Variants in FANCD2 observed in about 807,000 individuals in gnomAD.
FANCD2 encodes the protein FA complementation group D2, also known as Fanconi anemia group D2 protein.
FANCD2 carries 131 observed loss-of-function variants against 192.3 expected under a neutral mutation model. The observed-to-expected ratio is 0.68, with a 90% CI of 0.59 to 0.79. The LOEUF (loss-of-function observed/expected upper bound fraction) is 0.79. FANCD2 is among the 30% of genes least tolerant of loss of function. The pLI is 0.00. For synonymous variants in FANCD2, 524 were observed against 612.5 expected (o/e 0.86, Z 2.13); for missense variants, 1,508 against 1,701.6 (o/e 0.89, Z 2.00).
rs1204019895 is a variant in FANCD2, at chr3:10,101,786, TG to T, written c.*526del. On this transcript the variant is annotated 3_prime_UTR_variant, in exon 44 of 44. Coordinates refer to ENST00000675286, the MANE Select transcript of FANCD2 (RefSeq NM_001018115.3). ...AGGATTCTAATGTAGCATTATTTAT[TG>T]GTTTGGATAAACCCAGCTGTGCTAC... 3 of 205,808 alleles carry T rather than the reference TG, an allele frequency of 1.5e-5. No individual in the cohort carries two copies. The highest frequency in any genetic ancestry group is 1.1e-4 in the Admixed American group (2 of 18,522). 12.7% of individuals were successfully genotyped at this position (205,808 alleles called of 1,614,324 possible).
chr3:10,064,479 A>G (rs2087658453), intron 22 of FANCD2, 50 bp downstream of exon 22: 4 of 1,506,650 alleles, frequency 2.7e-6, no homozygotes, highest in Non-Finnish European at 3.7e-6. Context: ...AGTTACATCA[A>G]TTCTGTCAGT....
At position 10,098,767 on chromosome 3, in the gene FANCD2, G is replaced by C. The variant is rs61753270; in HGVS notation, c.4233G>C (p.Glu1411Asp). ...SQNSQESTAD[E>D]SEDDMSSQAS... ...ATTCCCAGGAGAGCACAGCAGATGA[G>C]AGTGAGGATGACATGTCATCCCAGG... Residue 1411 changes from glutamate (E) to aspartate (D), a missense_variant, in exon 43 of 44, where the codon GAG becomes GAC. This residue lies in a region of FANCD2 where 796 missense variants were observed against 879.4 expected (regional missense o/e 0.91). Transcript: ENST00000675286. 2.4e-5 allele frequency: 39 copies of C among 1,613,946 alleles called. No individual in the cohort carries two copies. Among genetic ancestry groups the C allele is most frequent in the Middle Eastern group, 1.6e-4 (1 of 6,084 alleles).
chr3:10,054,769 C>CA (rs1053684151), intron 18 of FANCD2, among the ~76,000 whole-genome samples: 1 of 151,422 alleles, frequency 6.6e-6, no homozygotes, highest in African/African-American at 2.4e-5. Flanking sequence ...AGGCCTGAGC[C>CA]ACCGCACCCG....
At chr3:10,071,098 C>A (rs1163362292) in intron 26 of FANCD2, among the ~76,000 whole-genome samples, 3 of 141,818 alleles carry the variant, frequency 2.1e-5, no homozygotes, top group Non-Finnish European at 4.5e-5. Flanking sequence ...AAATCCCCCT[C>A]TGCGAGAAAC....
At chr3:10,085,580 C>G (rs1031642435) in intron 32 of FANCD2, among the ~76,000 whole-genome samples, 1 of 151,802 alleles carries the variant, frequency 6.6e-6, no homozygotes, top group Non-Finnish European at 1.5e-5. Context: ...TTAGTAGAGA[C>G]GGGATTTCAC....
intron 18 of FANCD2, among the ~76,000 whole-genome samples, chr3:10,054,473 ATTTTTTT>A (rs55719769): frequency 3.6e-4 from 3 of 8,400 alleles, no homozygotes; most frequent in African/African-American, 2.1e-3. Flanking sequence ...ATATATATAT[ATTTTTTT>A]TTTTTTTTTT....
intron 20 of FANCD2, 80 bp downstream of exon 20, chr3:10,062,291 A>T: frequency 1.7e-6 from 2 of 1,154,576 alleles, no homozygotes; most frequent in Non-Finnish European, 2.5e-6. Flanking sequence ...CCCAACCTGC[A>T]GTGCAGTGGC....
intron 27 of FANCD2, 111 bp downstream of exon 27, chr3:10,073,092 C>T (rs1693345406): frequency 2.4e-6 from 2 of 850,518 alleles, no homozygotes; most frequent in South Asian, 1.4e-5. Context: ...TATAACTGAA[C>T]TCTTCCTTTA....
At chr3:10,051,431 TC>T (rs56096530) in intron 17 of FANCD2, among the ~76,000 whole-genome samples, 118,822 of 118,842 alleles carry the variant, frequency 1, 59,401 homozygotes, top group Middle Eastern at 1. Flanking sequence ...GGGATTTATC[TC>T]CCAGTGTTGG....
At chr3:10,038,005 T>C (rs1416806366) in intron 7 of FANCD2, among the ~76,000 whole-genome samples, 1 of 152,226 alleles carries the variant, frequency 6.6e-6, no homozygotes, top group African/African-American at 2.4e-5. Context: ...GGTTTACTTA[T>C]TTTGAGACGG....
Position 10,092,190 on chromosome 3 carries a change from G to C in FANCD2, c.3787G>C (p.Glu1263Gln). Residue 1263 changes from glutamate (E) to glutamine (Q), a missense_variant, in exon 38 of 44, where the codon GAG becomes CAG. Transcript: ENST00000675286. ...TAADSQQIHE[E>Q]KLLYWNMAVR... ...TATTTGGCTGCCCCAGATTCATGAAGAGAAACTCCTCTACTGGAACATGGC... is the reference window on the plus strand; with the variant it reads ...TATTTGGCTGCCCCAGATTCATGAACAGAAACTCCTCTACTGGAACATGGC... 1 of 1,613,882 alleles carries C rather than the reference G, an allele frequency of 6.2e-7. No individual in the cohort carries two copies. Among genetic ancestry groups the C allele is most frequent in the Non-Finnish European group, 8.5e-7 (1 of 1,179,744 alleles).
At chr3:10,078,306 G>A in intron 30 of FANCD2, 109 bp downstream of exon 30, 2 of 769,412 alleles carry the variant, frequency 2.6e-6, no homozygotes, top group East Asian at 5.0e-5. Flanking sequence ...GGGTCACTGG[G>A]TAGCATGGGT....
chr3:10,039,804 C>G lies in FANCD2; in HGVS notation c.654C>G (p.Ile218Met). 6.2e-7 allele frequency: 1 copy of G among 1,613,902 alleles called. No individual in the cohort carries two copies. Among genetic ancestry groups the G allele is most frequent in the Non-Finnish European group, 8.5e-7 (1 of 1,179,996 alleles). Residue 218 changes from isoleucine (I) to methionine (M), a missense_variant, in exon 9 of 44, where the codon ATC becomes ATG. Ile to Met is a conservative substitution (Grantham distance 10). Around this residue, in one of 5 missense-constraint regions of FANCD2, gnomAD observed 435 missense variants for 421.9 expected, o/e 1.03. Coordinates refer to ENST00000675286, the MANE Select transcript of FANCD2 (RefSeq NM_001018115.3). Reference sequence around the variant, plus strand: ...ACATCATCACCAGCCTACCTGAGATCCTAGGGGATTCCCAGCACGCTGATG... The same window carrying G: ...ACATCATCACCAGCCTACCTGAGATGCTAGGGGATTCCCAGCACGCTGATG... The part of the protein sequence containing the change: ...QHDIITSLPE[I>M]LGDSQHADVG...
chr3:10,073,135 A>T, intron 27 of FANCD2, 118 bp from the exon 28 acceptor site: 1 of 908,686 alleles, frequency 1.1e-6, no homozygotes, highest in Non-Finnish European at 1.8e-6. Flanking sequence ...ATTTAGGGTT[A>T]TAAAATTACC....
At chr3:10,082,713 C>T (rs1210034608) in intron 32 of FANCD2, among the ~76,000 whole-genome samples, 1 of 152,148 alleles carries the variant, frequency 6.6e-6, no homozygotes, top group African/African-American at 2.4e-5. Flanking sequence ...AAGCATCCAT[C>T]CTGCCTCTCT....
chr3:10,040,399 T>C (rs2086837056), intron 9 of FANCD2: 1 of 439,624 alleles, frequency 2.3e-6, no homozygotes. Flanking sequence ...GGATTAGATA[T>C]CTAAATTTGG....
In FANCD2 at chr3:10,062,194, G is replaced by C; in HGVS notation, c.1810G>C (p.Asp604His). Reference protein sequence around the residue: ...SLTQERANLSDEQCTQVTSLL... With the variant: ...SLTQERANLSHEQCTQVTSLL... Reference sequence around the variant, plus strand: ...GACCCAAGAGAGAGCCAACCTGAGCGATGAGCAGTGCACACAGGTGAGTTC... The same window carrying C: ...GACCCAAGAGAGAGCCAACCTGAGCCATGAGCAGTGCACACAGGTGAGTTC... Residue 604 changes from aspartate to histidine, a missense_variant, in exon 20 of 44, where the codon GAT becomes CAT. Coordinates refer to ENST00000675286, the MANE Select transcript of FANCD2 (RefSeq NM_001018115.3). The C allele has an allele frequency of 6.2e-7, 1 of 1,612,992 alleles. No homozygotes were observed. The highest frequency in any genetic ancestry group is 8.5e-7 in the Non-Finnish European group (1 of 1,179,560).
intron 5 of FANCD2, 52 bp from the exon 6 acceptor site, chr3:10,035,121 G>A: frequency 7.0e-7 from 1 of 1,425,276 alleles, no homozygotes; most frequent in Non-Finnish European, 9.9e-7. Flanking sequence ...GATGATAAAA[G>A]CATTAAAACA....
At chr3:10,097,861 G>A (rs939465816) in intron 42 of FANCD2, among the ~76,000 whole-genome samples, 1 of 152,168 alleles carries the variant, frequency 6.6e-6, no homozygotes, top group East Asian at 1.9e-4. Context: ...TTAATTTGGG[G>A]AACTAATAAA....
Sources: gnomAD v4.1 joint callset for allele counts (sites outside exome capture counted in the v4.1 genomes callset) on GRCh38, gnomAD v4.1.1 for gene constraint, gnomAD v4.1.1 regional missense constraint, MANE v1.5 for transcripts, NCBI Gene and HGNC (gene_info 2026-07-23, HGNC 2026-07-21) for gene names.